GALNT13: variants seen among roughly 807,000 people sequenced by gnomAD.
GALNT13 encodes the protein UDP-GalNAc:polypeptide N-acetylgalactosaminyltransferase 13.
In GALNT13, 28 loss-of-function variants were observed where a neutral mutation model predicts 64.2. The observed-to-expected ratio is 0.44, with a 90% CI of 0.32 to 0.60. The LOEUF (loss-of-function observed/expected upper bound fraction) is 0.60. GALNT13 is among the 20% of genes least tolerant of loss of function. The pLI, the probability that GALNT13 is intolerant of heterozygous loss-of-function variation, is 0.05. For missense variants in GALNT13, 577 were observed against 669.8 expected (o/e 0.86, Z 1.53); for synonymous variants, 214 against 224.6 (o/e 0.95, Z 0.42).
chr2:154,147,335 AATATATATATTTGAATGGAATAT>A (rs1320811767), intron 4 of GALNT13, among the ~76,000 whole-genome samples: 8 of 149,750 alleles, frequency 5.3e-5, no homozygotes, highest in South Asian at 2.1e-4. Context: ...ATTTGAATGG[AATATATATATTTGAATGGAATAT>A]ATATATATAT....
the GALNT13 span, among the ~76,000 whole-genome samples, chr2:153,518,358 C>T: frequency 6.6e-6 from 1 of 152,082 alleles, no homozygotes; most frequent in African/African-American, 2.4e-5. Context: ...ATCCAGGATA[C>T]TTGATACCTG....
At chr2:154,136,170 A>G (rs1682938357) in intron 3 of GALNT13, among the ~76,000 whole-genome samples, 1 of 152,244 alleles carries the variant, frequency 6.6e-6, no homozygotes, top group Non-Finnish European at 1.5e-5. Context: ...TGCCAATGAA[A>G]AGAAAGATTT....
chr2:154,202,495 C>G (rs1687226614), intron 4 of GALNT13, among the ~76,000 whole-genome samples: 1 of 151,998 alleles, frequency 6.6e-6, no homozygotes, highest in Admixed American at 6.6e-5. Flanking sequence ...TCAGTATCCT[C>G]TTTCTTTAGC....
chr2:154,413,820 T>C (rs998732490), intron 11 of GALNT13, among the ~76,000 whole-genome samples: 2 of 152,056 alleles, frequency 1.3e-5, no homozygotes, highest in African/African-American at 4.8e-5. Context: ...ACATTTTTAA[T>C]GGATAAACTA....
chr2:153,317,161 C>CT, the GALNT13 span, among the ~76,000 whole-genome samples: 1 of 152,060 alleles, frequency 6.6e-6, no homozygotes, highest in Non-Finnish European at 1.5e-5. Flanking sequence ...AGACAAATAC[C>CT]TTAGAAATTC....
At chr2:153,776,545 A>C in the GALNT13 span, among the ~76,000 whole-genome samples, 1 of 152,222 alleles carries the variant, frequency 6.6e-6, no homozygotes, top group African/African-American at 2.4e-5. Context: ...CAATTCCAAC[A>C]AAGCATTAAC....
chr2:153,942,777 G>T (rs1416289540), intron 2 of GALNT13, among the ~76,000 whole-genome samples: 1 of 151,704 alleles, frequency 6.6e-6, no homozygotes, highest in Non-Finnish European at 1.5e-5. Flanking sequence ...TAATTATTTT[G>T]TAACTGGCGC....
chr2:154,431,796 G>A (rs887704318), intron 11 of GALNT13, among the ~76,000 whole-genome samples: 6 of 152,188 alleles, frequency 3.9e-5, no homozygotes, highest in South Asian at 2.1e-4. Context: ...TAAGTCTCAC[G>A]AGAGCTGATG....
chr2:154,172,988 A>T (rs1321172466), intron 4 of GALNT13, among the ~76,000 whole-genome samples: 2 of 152,058 alleles, frequency 1.3e-5, no homozygotes, highest in Non-Finnish European at 2.9e-5. Context: ...TTTATATAGA[A>T]CTACAGAAGA....
intron 9 of GALNT13, among the ~76,000 whole-genome samples, chr2:154,345,601 G>A (rs1696027165): frequency 1.3e-5 from 2 of 151,980 alleles, no homozygotes; most frequent in African/African-American, 4.8e-5. Context: ...AAGAAAGGGT[G>A]ATATGCTAGA....
the GALNT13 span, among the ~76,000 whole-genome samples, chr2:153,336,602 G>A: frequency 6.6e-6 from 1 of 152,186 alleles, no homozygotes; most frequent in South Asian, 2.1e-4. Flanking sequence ...TATCTAGGAA[G>A]TAACTAGCTT....
At chr2:153,535,865 G>A in the GALNT13 span, among the ~76,000 whole-genome samples, 1 of 152,132 alleles carries the variant, frequency 6.6e-6, no homozygotes, top group Non-Finnish European at 1.5e-5. Flanking sequence ...AGACTGTATT[G>A]AGGTGGGAAG....
chr2:153,794,797 G>A, the GALNT13 span, among the ~76,000 whole-genome samples: 1 of 152,140 alleles, frequency 6.6e-6, no homozygotes, highest in Non-Finnish European at 1.5e-5. Context: ...GGGATTACAG[G>A]TGTGAGCCAC....
At chr2:153,739,633 AT>A in the GALNT13 span, among the ~76,000 whole-genome samples, 5,955 of 54,534 alleles carry the variant, frequency 0.11, 180 homozygotes, top group Middle Eastern at 0.28. Flanking sequence ...TTATTATTTT[AT>A]TTTATTTTAT....
the GALNT13 span, among the ~76,000 whole-genome samples, chr2:153,613,483 A>G: frequency 1.8e-4 from 28 of 152,302 alleles, no homozygotes; most frequent in African/African-American, 6.5e-4. Context: ...TTAGGGCTTT[A>G]TATGAGTTAG....
chr2:153,155,499 T>C, the GALNT13 span, among the ~76,000 whole-genome samples: 3 of 152,194 alleles, frequency 2.0e-5, no homozygotes, highest in Non-Finnish European at 2.9e-5. Flanking sequence ...GATTTTCTAG[T>C]TTATGTACAT....
At chr2:153,792,698 A>G in the GALNT13 span, among the ~76,000 whole-genome samples, 7 of 152,178 alleles carry the variant, frequency 4.6e-5, no homozygotes, top group African/African-American at 1.4e-4. Context: ...TCTGTTTGCT[A>G]CTATTGGTCA....
chr2:153,630,050 G>A, the GALNT13 span, among the ~76,000 whole-genome samples: 1 of 146,370 alleles, frequency 6.8e-6, no homozygotes, highest in Non-Finnish European at 1.5e-5. Context: ...ACTGTTGGTG[G>A]GACTGTAAAC....
chr2:154,041,832 A>C (rs1343211387), intron 3 of GALNT13, among the ~76,000 whole-genome samples: 1 of 140,208 alleles, frequency 7.1e-6, no homozygotes, highest in Non-Finnish European at 1.6e-5. Context: ...TGCTCTAGTG[A>C]TATCATTTAC....
Sources: allele counts gnomAD v4.1 joint callset (sites outside exome capture counted in the v4.1 genomes callset), GRCh38; gene constraint gnomAD v4.1.1; transcripts MANE v1.5; gene names NCBI Gene and HGNC (gene_info 2026-07-23, HGNC 2026-07-21).